ZNF345: variants seen among roughly 807,000 people sequenced by gnomAD.
The protein encoded by ZNF345 is zinc finger protein 345.
For missense variants in ZNF345, 527 were observed against 589.9 expected (o/e 0.89, Z 1.10); for synonymous variants, 166 against 187.9 (o/e 0.88, Z 0.95).
At position 36,869,322 on chromosome 19, in the gene ZNF345, G is replaced by A. The variant is rs2072728032; in HGVS notation, c.-46-7463G>A. ...CACAGTAAAGAGACACATAGAGCAA[G>A]GTCTGAAAGGGACCTATACACAGTT... On this transcript the variant is annotated intron_variant, in intron 2 of 2. Coordinates refer to ENST00000420450, the MANE Select transcript of ZNF345 (RefSeq NM_001242472.2). Among the ~76,000 whole-genome samples, 13 of 152,276 alleles carry A rather than the reference G, an allele frequency of 8.5e-5. No individual in the cohort carries two copies. In the South Asian group the frequency reaches 2.3e-3, roughly 27 times the overall value.
intron 2 of ZNF345, among the ~76,000 whole-genome samples, chr19:36,857,634 A>C (rs1415018297): frequency 6.6e-6 from 1 of 151,848 alleles, no homozygotes; most frequent in African/African-American, 2.4e-5. Flanking sequence ...AAATAATTTC[A>C]TATTGGCTTG....
chr19:36,852,920 T>C (rs1273358963), intron 2 of ZNF345, among the ~76,000 whole-genome samples: 1 of 150,540 alleles, frequency 6.6e-6, no homozygotes, highest in Non-Finnish European at 1.5e-5. Context: ...CAGGCTGGAG[T>C]GCAGTTGAAT....
At chr19:36,862,879 G>A (rs2072581656) in intron 2 of ZNF345, 1 of 151,936 alleles carries the variant, frequency 6.6e-6, no homozygotes, top group Non-Finnish European at 1.5e-5. Flanking sequence ...AGGCCATTAA[G>A]GTGAGTACTC....
Position 36,891,375 on chromosome 19 carries a change from C to T in ZNF345, c.47-1443C>T, listed in dbSNP as rs1054735954. 7.0e-5 allele frequency: 74 copies of T among 1,053,392 alleles called. No homozygotes were observed. In the African/African-American group the frequency reaches 1.1e-3, roughly 16 times the overall value. 65.3% of individuals were successfully genotyped at this position (1,053,392 alleles called of 1,614,324 possible). ...GGTACTTGGTACTTTGTTATCGTAT[C>T]GTTTAAAAACGAATACATAGGAGAA... On this transcript the variant is annotated intron_variant, in intron 3 of 3. Coordinates refer to the ZNF345 transcript ENST00000526123.
At chr19:36,892,470 A>T (rs2073067051) in intron 3 of ZNF345, 1 of 1,562,034 alleles carries the variant, frequency 6.4e-7, no homozygotes, top group East Asian at 2.2e-5. Context: ...TTGATTCCAG[A>T]TCTGAAAGAA....
At chr19:36,892,807 C>T in intron 3 of ZNF345, 2 of 703,368 alleles carry the variant, frequency 2.8e-6, no homozygotes, top group Non-Finnish European at 2.0e-6. Flanking sequence ...TTTTTTTTGC[C>T]CCCACCCCAG....
Position 36,877,138 on chromosome 19 carries a change from C to G in ZNF345, c.308C>G (p.Ala103Gly). The G allele has an allele frequency of 1.2e-6, 2 of 1,614,104 alleles. No homozygotes were observed. The highest frequency in any genetic ancestry group is 1.7e-6 in the Non-Finnish European group (2 of 1,180,004). ...KECGKAFGSG[A>G]NLAYHQRIHT... ...TGTGGCAAGGCCTTTGGTAGTGGTGCAAACCTTGCTTACCATCAAAGAATT... is the reference window on the plus strand; with the variant it reads ...TGTGGCAAGGCCTTTGGTAGTGGTGGAAACCTTGCTTACCATCAAAGAATT... Residue 103 changes from alanine to glycine, a missense_variant, in exon 3 of 3, where the codon GCA becomes GGA. Ala to Gly is a moderately conservative substitution (Grantham distance 60). Transcript: ENST00000420450.
chr19:36,863,369 T>G (rs908811106), intron 2 of ZNF345, among the ~76,000 whole-genome samples: 6 of 152,148 alleles, frequency 3.9e-5, no homozygotes, highest in African/African-American at 9.7e-5. Flanking sequence ...CCAGATGATG[T>G]TATCATAGGG....
intron 2 of ZNF345, among the ~76,000 whole-genome samples, chr19:36,858,843 G>T (rs894805856): frequency 3.3e-5 from 5 of 152,146 alleles, no homozygotes; most frequent in African/African-American, 1.2e-4. Flanking sequence ...GAATCACTGA[G>T]TTAGACAATC....
intron 3 of ZNF345, chr19:36,892,342 A>G (rs1420398634): frequency 6.2e-7 from 1 of 1,613,778 alleles, no homozygotes. Context: ...CTCTTCACTC[A>G]TAGTTTTTTG....
chr19:36,853,605 G>A (rs76297131), intron 2 of ZNF345, among the ~76,000 whole-genome samples: 3,629 of 152,150 alleles, frequency 0.024, 159 homozygotes, highest in African/African-American at 0.083. Flanking sequence ...TTTTTATAGG[G>A]TAGGATTGAA....
intron 2 of ZNF345, among the ~76,000 whole-genome samples, chr19:36,852,481 C>G (rs561391103): frequency 1.3e-5 from 2 of 151,850 alleles, no homozygotes; most frequent in African/African-American, 4.8e-5. Context: ...CGTGGTGGCA[C>G]GCGCCTGTAG....
chr19:36,887,023 G>A (rs969028730), intron 3 of ZNF345, among the ~76,000 whole-genome samples: 5 of 148,664 alleles, frequency 3.4e-5, no homozygotes, highest in Non-Finnish European at 7.5e-5. Flanking sequence ...ATTAGCTGGG[G>A]GTGGTGGTGG....
chr19:36,886,098 A>C (rs144167010), intron 3 of ZNF345, among the ~76,000 whole-genome samples: 4 of 152,340 alleles, frequency 2.6e-5, no homozygotes, highest in Non-Finnish European at 4.4e-5. Context: ...TATAACCCGA[A>C]GTATAAAATA....
At chr19:36,866,747 C>T (rs1248648694) in intron 2 of ZNF345, among the ~76,000 whole-genome samples, 3 of 152,118 alleles carry the variant, frequency 2.0e-5, no homozygotes, top group Admixed American at 1.3e-4. Context: ...GACGGGGTTT[C>T]ACTGTGTTGG....
chr19:36,872,357 G>A (rs1350711996), intron 2 of ZNF345, among the ~76,000 whole-genome samples: 1 of 152,166 alleles, frequency 6.6e-6, no homozygotes, highest in East Asian at 1.9e-4. Flanking sequence ...TGGAGGTGGG[G>A]CCTAATGGCA....
In ZNF345 at chr19:36,878,030, T is replaced by G. The variant is rs1396936041; in HGVS notation, c.1200T>G (p.Cys400Trp). 1 of 1,614,026 alleles carries G rather than the reference T, an allele frequency of 6.2e-7. No homozygotes were observed. The highest frequency in any genetic ancestry group is 2.2e-5 in the East Asian group (1 of 44,846). The change falls in exon 3 of 3, where the codon TGT (cysteine) becomes TGG (tryptophan). Residue 400 changes from cysteine to tryptophan, a missense_variant. By Grantham distance (215) the Cys-to-Trp change is radical. Transcript: ENST00000420450. ...ATACTGGTGAAAGACCCTATGAATG[T>G]AAAGAATGTGGAAAGTCCTTTAGTA... The part of the protein sequence containing the change: ...LIHTGERPYE[C>W]KECGKSFSSG...
At chr19:36,870,893 T>A (rs1391973320) in intron 2 of ZNF345, among the ~76,000 whole-genome samples, 1 of 152,232 alleles carries the variant, frequency 6.6e-6, no homozygotes, top group Admixed American at 6.5e-5. Flanking sequence ...CCCTTAATGC[T>A]ACTTTTTAGA....
chr19:36,859,628 T>C (rs1315944332), intron 2 of ZNF345, among the ~76,000 whole-genome samples: 1 of 152,196 alleles, frequency 6.6e-6, no homozygotes, highest in Non-Finnish European at 1.5e-5. Context: ...TTGATATGTA[T>C]CTTGCTCTTG....
Sources: gnomAD v4.1 joint callset for allele counts (sites outside exome capture counted in the v4.1 genomes callset) on GRCh38, gnomAD v4.1.1 for gene constraint, MANE v1.5 for transcripts, NCBI Gene and HGNC (gene_info 2026-07-23, HGNC 2026-07-21) for gene names.